Variants in SLC39A8 observed in about 807,000 individuals in gnomAD.
The protein encoded by SLC39A8 is solute carrier family 39 member 8.
In SLC39A8, 15 loss-of-function variants were observed where a neutral mutation model predicts 40.4. That is an observed-to-expected ratio of 0.37 (90% CI 0.25 to 0.57). The LOEUF (loss-of-function observed/expected upper bound fraction) is 0.57. SLC39A8 is among the 20% of genes least tolerant of loss of function. The pLI is 0.75. For synonymous variants in SLC39A8, 223 were observed against 221.6 expected (o/e 1.01, Z -0.06); for missense variants, 472 against 558.8 (o/e 0.84, Z 1.57).
At chr4:102,334,394 C>A (rs1308618292) in intron 2 of SLC39A8, among the ~76,000 whole-genome samples, 1 of 152,132 alleles carries the variant, frequency 6.6e-6, no homozygotes, top group Non-Finnish European at 1.5e-5. Flanking sequence ...AATTTTCTCA[C>A]AATATTGTTT....
intron 6 of SLC39A8, among the ~76,000 whole-genome samples, chr4:102,300,351 A>G (rs937005469): frequency 1.3e-5 from 2 of 152,134 alleles, no homozygotes; most frequent in Non-Finnish European, 2.9e-5. Context: ...TGATTTTTAT[A>G]TGACTAAACA....
exon 12 of SLC39A8, chr4:102,251,669 C>T (rs62327889): frequency 0.18 from 27,280 of 152,198 alleles, 2,737 homozygotes; most frequent in South Asian, 0.35. Flanking sequence ...GAGAGTCAAT[C>T]GCTTCTATAC....
chr4:102,319,890 G>A (rs549121898), intron 2 of SLC39A8, among the ~76,000 whole-genome samples: 1 of 152,056 alleles, frequency 6.6e-6, no homozygotes, highest in South Asian at 2.1e-4. Flanking sequence ...CCCAGTGTGA[G>A]TCCAACCCAT....
chr4:102,308,866 G>T (rs1416638572), intron 3 of SLC39A8, among the ~76,000 whole-genome samples: 1 of 152,028 alleles, frequency 6.6e-6, no homozygotes, highest in Non-Finnish European at 1.5e-5. Flanking sequence ...CCCTGTAAGA[G>T]AAATACTACT....
intron 8 of SLC39A8, among the ~76,000 whole-genome samples, chr4:102,263,668 T>C (rs1230788803): frequency 1.3e-5 from 2 of 152,200 alleles, no homozygotes; most frequent in Non-Finnish European, 2.9e-5. Context: ...CTCTGTAGTG[T>C]GCAATGCTGT....
At chr4:102,290,537 C>G (rs1224722325) in intron 6 of SLC39A8, among the ~76,000 whole-genome samples, 1 of 152,100 alleles carries the variant, frequency 6.6e-6, no homozygotes, top group African/African-American at 2.4e-5. Flanking sequence ...TCCAGAGTTT[C>G]AAGGCATACT....
intron 6 of SLC39A8, among the ~76,000 whole-genome samples, chr4:102,271,759 T>C (rs1349013647): frequency 6.6e-6 from 1 of 152,234 alleles, no homozygotes; most frequent in African/African-American, 2.4e-5. Context: ...GTGCAACTGA[T>C]ATATAGCCAA....
chr4:102,338,536 A>C (rs887310276), intron 2 of SLC39A8, among the ~76,000 whole-genome samples: 2 of 152,186 alleles, frequency 1.3e-5, no homozygotes, highest in African/African-American at 4.8e-5. Flanking sequence ...ACAAGTCATC[A>C]TCATCGTAGC....
chr4:102,262,402 C>T lies in SLC39A8; in HGVS notation c.*642G>A, dbSNP rs906937603. 35 of 985,378 alleles carry T rather than the reference C, an allele frequency of 3.6e-5. No homozygotes were observed. Among genetic ancestry groups the T allele is most frequent in the Non-Finnish European group, 4.1e-5 (34 of 829,922 alleles). The allele number at this position is 985,378 out of a possible 1,614,324, so 61.0% of individuals were successfully genotyped here. Reference sequence around the variant, plus strand: ...TTAGCGATAAGCCTCTAAGCCTGAACTTAGCAGGGCTAGCAAAACTTTATT... The same window carrying T: ...TTAGCGATAAGCCTCTAAGCCTGAATTTAGCAGGGCTAGCAAAACTTTATT... On this transcript the variant is annotated 3_prime_UTR_variant, in exon 9 of 9. Coordinates refer to ENST00000356736, the MANE Select transcript of SLC39A8 (RefSeq NM_001135146.2).
chr4:102,332,741 A>T (rs547992620), intron 2 of SLC39A8, among the ~76,000 whole-genome samples: 8 of 152,356 alleles, frequency 5.3e-5, no homozygotes, highest in African/African-American at 1.9e-4. Flanking sequence ...GCACTTTCAC[A>T]GTAGCAAAGA....
chr4:102,321,191 CATA>C (rs1734949227), intron 2 of SLC39A8, among the ~76,000 whole-genome samples: 1 of 151,956 alleles, frequency 6.6e-6, no homozygotes, highest in African/African-American at 2.4e-5. Flanking sequence ...TCACAAAAAA[CATA>C]ATAATAAAGA....
At chr4:102,311,814 T>C (rs1734437991) in intron 3 of SLC39A8, among the ~76,000 whole-genome samples, 2 of 152,098 alleles carry the variant, frequency 1.3e-5, no homozygotes, top group Admixed American at 6.6e-5. Flanking sequence ...TTTTGTATCA[T>C]TTGGATTGTT....
At chr4:102,253,502 T>A (rs373816413) in intron 11 of SLC39A8, 4 of 662,398 alleles carry the variant, frequency 6.0e-6, no homozygotes, top group Non-Finnish European at 1.1e-5. Flanking sequence ...AATCTTTCAG[T>A]CCTCTAAGTT....
At chr4:102,340,677 C>A (rs1735900675) in intron 2 of SLC39A8, among the ~76,000 whole-genome samples, 1 of 152,130 alleles carries the variant, frequency 6.6e-6, no homozygotes, top group Non-Finnish European at 1.5e-5. Flanking sequence ...TTTTAAATAA[C>A]CATTCAAATT....
intron 3 of SLC39A8, 127 bp downstream of exon 3, chr4:102,315,541 G>T: frequency 4.4e-6 from 3 of 680,624 alleles, no homozygotes; most frequent in Non-Finnish European, 6.7e-6. Flanking sequence ...CAAAATATAA[G>T]TATTATTCGA....
chr4:102,270,757 G>A (rs1360389705), intron 6 of SLC39A8, among the ~76,000 whole-genome samples: 1 of 152,064 alleles, frequency 6.6e-6, no homozygotes, highest in African/African-American at 2.4e-5. Flanking sequence ...GTTATTAATG[G>A]GGATGGAAGT....
In SLC39A8 at chr4:102,310,626, C is replaced by A. The variant is rs182315184; in HGVS notation, c.383-3021G>T. On this transcript the variant is annotated intron_variant, in intron 3 of 8. Transcript: ENST00000356736. ...GGAGTGTAATTCATCACATTCTAAG[C>A]ACACTGCATAGCTTCCCCTTCTTGT... is the stretch of plus-strand genomic sequence containing the variant. Among the ~76,000 whole-genome samples, 425 of 152,194 alleles carry A rather than the reference C, an allele frequency of 2.8e-3. 3 individuals carry two copies. Among genetic ancestry groups the A allele is most frequent in the African/African-American group, 9.9e-3 (412 of 41,546 alleles).
chr4:102,344,722 G>A lies in SLC39A8; in HGVS notation c.-60C>T. 1 of 1,374,218 alleles carries A rather than the reference G, an allele frequency of 7.3e-7. No homozygotes were observed. The highest frequency in any genetic ancestry group is 9.3e-7 in the Non-Finnish European group (1 of 1,072,038). 85.1% of individuals were successfully genotyped at this position (1,374,218 alleles called of 1,614,324 possible). A position where few individuals can be genotyped will look rare whatever the true frequency, so the allele number is the denominator to read the frequency against. On this transcript the variant is annotated 5_prime_UTR_variant, in exon 2 of 9. Transcript: ENST00000356736. ...GGCTGCCGCGCAGAGGGACGCGCGC[G>A]GGCGCACTGGCGTCCTTGCCCAAGG...
intron 2 of SLC39A8, among the ~76,000 whole-genome samples, chr4:102,339,376 T>C (rs1735816030): frequency 6.6e-6 from 1 of 151,820 alleles, no homozygotes; most frequent in Admixed American, 6.6e-5. Context: ...TAGTCAGTGC[T>C]TCCCAGAAAC....
Sources: allele counts gnomAD v4.1 joint callset (sites outside exome capture counted in the v4.1 genomes callset), GRCh38; gene constraint gnomAD v4.1.1; transcripts MANE v1.5; gene names NCBI Gene and HGNC (gene_info 2026-07-23, HGNC 2026-07-21).